Variants in TMEM268 observed in about 807,000 individuals in gnomAD.
TMEM268 encodes transmembrane protein C9orf91.
TMEM268 carries 24 observed loss-of-function variants against 39.1 expected under a neutral mutation model. The observed-to-expected ratio is 0.61, with a 90% CI of 0.44 to 0.86. The LOEUF (loss-of-function observed/expected upper bound fraction) is 0.86, where lower values mean the gene tolerates loss of function less well. Among genes scored for constraint, TMEM268 ranks in the 40% least tolerant of loss-of-function variants. The pLI is 0.00. For synonymous variants in TMEM268, 176 were observed against 173.5 expected, an observed-to-expected ratio of 1.01 and a Z score of -0.12; for missense variants, 409 against 428.6, an observed-to-expected ratio of 0.95 and a Z score of 0.40.
At chr9:114,617,510 T>G (rs939751355) in intron 2 of TMEM268, among the ~76,000 whole-genome samples, 6 of 152,236 alleles carry the variant, frequency 3.9e-5, no homozygotes, top group Admixed American at 1.3e-4. Context: ...TGGTCTTCTC[T>G]TTTCCATTTA....
chr9:114,624,566 G>A, intron 3 of TMEM268, 107 bp downstream of exon 3: 1 of 1,469,562 alleles, frequency 6.8e-7, no homozygotes, highest in Non-Finnish European at 9.1e-7. Context: ...GTCTGTACCA[G>A]CTGTCGTAGG....
At chr9:114,606,051 T>C in the TMEM268 span, among the ~76,000 whole-genome samples, 3 of 151,936 alleles carry the variant, frequency 2.0e-5, no homozygotes, top group African/African-American at 7.2e-5. Flanking sequence ...ATGACTGGGT[T>C]GTCTACAATT....
At chr9:114,640,171 C>T (rs888758103) in intron 8 of TMEM268, among the ~76,000 whole-genome samples, 7 of 149,612 alleles carry the variant, frequency 4.7e-5, no homozygotes, top group Admixed American at 6.7e-5. Context: ...TTGTGACATG[C>T]GTGTGTGGGT....
intron 7 of TMEM268, 116 bp downstream of exon 7, chr9:114,637,186 G>C (rs966786045): frequency 8.0e-6 from 5 of 625,302 alleles, no homozygotes; most frequent in African/African-American, 5.4e-5. Flanking sequence ...GAATACCTAC[G>C]AGCAATCAGT....
chr9:114,606,434 T>C (rs982330600), upstream of TMEM268, among the ~76,000 whole-genome samples: 3 of 152,142 alleles, frequency 2.0e-5, no homozygotes, highest in African/African-American at 7.2e-5. Flanking sequence ...CATAGTGGAG[T>C]CCGTCATTTG....
Position 114,644,787 on chromosome 9 carries a change from G to A in TMEM268, c.*1474G>A, listed in dbSNP as rs1424838900. On this transcript the variant is annotated 3_prime_UTR_variant, in exon 9 of 9. Transcript: ENST00000288502. Reference sequence around the variant, plus strand: ...CAGTTTGCCCATCAATATAATGGGTGGATTGGATGATTTTTTTTTTTTTAA... The same window carrying A: ...CAGTTTGCCCATCAATATAATGGGTAGATTGGATGATTTTTTTTTTTTTAA... The A allele has an allele frequency of 6.6e-6, 1 of 151,084 alleles. No individual in the cohort carries two copies. Among genetic ancestry groups the A allele is most frequent in the Admixed American group, 6.6e-5 (1 of 15,090 alleles). The allele number at this position is 151,084 out of a possible 1,614,324, so 9.4% of individuals were successfully genotyped here.
At chr9:114,627,039 C>T (rs1846192589) in intron 4 of TMEM268, 33 bp downstream of exon 4, 3 of 1,456,708 alleles carry the variant, frequency 2.1e-6, no homozygotes, top group South Asian at 1.1e-5. Context: ...ACTGACCCTG[C>T]CCTGACAGCT....
At chr9:114,620,483 A>G (rs1009662890) in intron 2 of TMEM268, among the ~76,000 whole-genome samples, 2 of 152,134 alleles carry the variant, frequency 1.3e-5, no homozygotes, top group African/African-American at 2.4e-5. Context: ...TCCTGGGCTC[A>G]AGTAATCCAC....
chr9:114,613,966 T>C (rs1302577924), intron 1 of TMEM268, among the ~76,000 whole-genome samples: 1 of 152,088 alleles, frequency 6.6e-6, no homozygotes, highest in Non-Finnish European at 1.5e-5. Flanking sequence ...TCCTGTAAAA[T>C]AGGAAAATCA....
At chr9:114,626,747 C>T in intron 3 of TMEM268, 152 bp from the exon 4 acceptor site, 5 of 558,758 alleles carry the variant, frequency 8.9e-6, no homozygotes, top group Non-Finnish European at 1.7e-5. Flanking sequence ...CTGAGAGCTG[C>T]ACCATGTGAC....
At position 114,643,320 on chromosome 9, in the gene TMEM268, G is replaced by A. The variant is rs758408812; in HGVS notation, c.*7G>A. The A allele has an allele frequency of 3.7e-6, 6 of 1,613,790 alleles. No individual in the cohort carries two copies. In the South Asian group the frequency reaches 6.6e-5, roughly 18 times the overall value. On this transcript the variant is annotated 3_prime_UTR_variant, in exon 9 of 9. Transcript: ENST00000288502. ...CCCGTTCCTGGCGAGGTGACCTAGG[G>A]ATGAAGGTACTCATCTTCCTTCAAG...
intron 5 of TMEM268, among the ~76,000 whole-genome samples, chr9:114,633,215 G>A (rs1361144669): frequency 1.3e-5 from 2 of 150,830 alleles, no homozygotes; most frequent in Admixed American, 1.3e-4. Context: ...AGGCTGGAGT[G>A]CAGTGGCGTG....
intron 4 of TMEM268, among the ~76,000 whole-genome samples, chr9:114,627,763 A>C (rs1846224216): frequency 6.6e-6 from 1 of 152,154 alleles, no homozygotes; most frequent in African/African-American, 2.4e-5. Context: ...GGGAGTTATA[A>C]ATTGTCCAAA....
At chr9:114,634,009 C>T (rs1846520303) in intron 6 of TMEM268, 131 bp downstream of exon 6, 1 of 488,946 alleles carries the variant, frequency 2.0e-6, no homozygotes, top group Non-Finnish European at 3.6e-6. Context: ...CTGTTGGCAG[C>T]CCTTTCCTTC....
upstream of TMEM268, chr9:114,611,276 G>T (rs1025155522): frequency 3.9e-5 from 6 of 152,108 alleles, no homozygotes; most frequent in Non-Finnish European, 5.9e-5. Flanking sequence ...CGGCGTCCCG[G>T]GGGGGCGCTC....
chr9:114,619,867 C>T (rs1392429200), intron 2 of TMEM268, among the ~76,000 whole-genome samples: 12 of 151,698 alleles, frequency 7.9e-5, no homozygotes, highest in Non-Finnish European at 1.5e-5. Context: ...TTATTGTCTG[C>T]CTTTTTTTTT....
intron 5 of TMEM268, 53 bp from the exon 6 acceptor site, chr9:114,633,715 G>A (rs1846504834): frequency 2.1e-6 from 2 of 962,242 alleles, no homozygotes; most frequent in African/African-American, 1.7e-5. Context: ...CAGAGCCTGG[G>A]AGCTCCCCAG....
At chr9:114,604,700 G>A in the TMEM268 span, among the ~76,000 whole-genome samples, 1 of 152,098 alleles carries the variant, frequency 6.6e-6, no homozygotes, top group South Asian at 2.1e-4. Context: ...CTGAATGGGG[G>A]AGAGGAGAGG....
chr9:114,618,506 A>G (rs1418780741), intron 2 of TMEM268, among the ~76,000 whole-genome samples: 4 of 151,930 alleles, frequency 2.6e-5, no homozygotes, highest in African/African-American at 9.7e-5. Flanking sequence ...CCCTTTCTCT[A>G]CTAAAAATCA....
Sources: gnomAD v4.1 joint callset for allele counts (sites outside exome capture counted in the v4.1 genomes callset) on GRCh38, gnomAD v4.1.1 for gene constraint, MANE v1.5 for transcripts, NCBI Gene and HGNC (gene_info 2026-07-23, HGNC 2026-07-21) for gene names.